CASD1: variants seen among roughly 807,000 people sequenced by gnomAD.
The protein encoded by CASD1 is CAS1 domain sialic acid O acetyltransferase 1.
CASD1 carries 41 observed loss-of-function variants against 100.0 expected under a neutral mutation model. The observed-to-expected ratio is 0.41, with a 90% CI of 0.32 to 0.53. CASD1 has a LOEUF of 0.53. CASD1 is among the 20% of genes least tolerant of loss of function. CASD1 has a pLI of 0.25. For missense variants in CASD1, 774 were observed against 948.7 expected, an observed-to-expected ratio of 0.82 and a Z score of 2.42; for synonymous variants, 321 against 315.6, an observed-to-expected ratio of 1.02 and a Z score of -0.18.
At chr7:94,598,615 T>A in the CASD1 span, 1 of 674,562 alleles carries the variant, frequency 1.5e-6, no homozygotes, top group Non-Finnish European at 2.7e-6. Flanking sequence ...TTGTATTGTA[T>A]ATTTCAGGAG....
intron 13 of CASD1, among the ~76,000 whole-genome samples, chr7:94,548,384 CAT>C (rs1053375691): frequency 6.6e-5 from 10 of 151,550 alleles, no homozygotes; most frequent in African/African-American, 2.4e-4. Flanking sequence ...TCCATAAAAT[CAT>C]ATATTTTATC....
In CASD1 at chr7:94,556,575, C is replaced by T. The variant is rs540601660; in HGVS notation, c.*817C>T. 3.9e-5 allele frequency: 6 copies of T among 152,056 alleles called. No individual in the cohort carries two copies. The highest frequency in any genetic ancestry group is 2.6e-4 in the Admixed American group (4 of 15,266). The allele number at this position is 152,056 out of a possible 1,614,324, so 9.4% of individuals were successfully genotyped here. On this transcript the variant is annotated 3_prime_UTR_variant, in exon 18 of 18. Transcript: ENST00000297273. Reference sequence around the variant, plus strand: ...TATGTTATCCCCACTAATTAATTTTCGTATATTATTTCCAATATTTGGAAA... The same window carrying T: ...TATGTTATCCCCACTAATTAATTTTTGTATATTATTTCCAATATTTGGAAA...
chr7:94,578,785 C>T, the CASD1 span, among the ~76,000 whole-genome samples: 8 of 152,136 alleles, frequency 5.3e-5, no homozygotes, highest in Non-Finnish European at 1.2e-4. Flanking sequence ...TGATACTGGG[C>T]AGAAACCACA....
chr7:94,617,751 G>A, the CASD1 span: 4 of 151,550 alleles, frequency 2.6e-5, no homozygotes, highest in Admixed American at 6.6e-5. Flanking sequence ...AAATTTTTAA[G>A]TTGGACTTTA....
intron 14 of CASD1, 118 bp downstream of exon 14, chr7:94,549,752 T>G: frequency 1.4e-6 from 1 of 736,064 alleles, no homozygotes; most frequent in South Asian, 2.1e-5. Flanking sequence ...ATTTAGTAAA[T>G]CAAAGCAGTC....
the CASD1 span, among the ~76,000 whole-genome samples, chr7:94,609,149 T>C: frequency 2.0e-5 from 3 of 152,208 alleles, no homozygotes; most frequent in South Asian, 2.1e-4. Flanking sequence ...AGGAAATATT[T>C]GCAAAATGCA....
intron 10 of CASD1, among the ~76,000 whole-genome samples, chr7:94,541,537 GTTTTTTTTTTT>G (rs56786123): frequency 3.7e-4 from 22 of 60,086 alleles, no homozygotes; most frequent in Non-Finnish European, 5.7e-4. Flanking sequence ...TGTTCCACTG[GTTTTTTTTTTT>G]TTTTTTTTTT....
chr7:94,584,425 G>A, the CASD1 span, among the ~76,000 whole-genome samples: 3 of 152,188 alleles, frequency 2.0e-5, no homozygotes, highest in Non-Finnish European at 4.4e-5. Flanking sequence ...AGAAATTAGA[G>A]ATACATCTTT....
chr7:94,629,836 T>C, the CASD1 span: 2 of 1,610,576 alleles, frequency 1.2e-6, no homozygotes, highest in African/African-American at 2.7e-5. Context: ...GAGAAAATAC[T>C]GTACACTGAA....
intron 1 of CASD1, among the ~76,000 whole-genome samples, chr7:94,516,080 A>G (rs1793965355): frequency 6.6e-6 from 1 of 151,988 alleles, no homozygotes; most frequent in Non-Finnish European, 1.5e-5. Flanking sequence ...TTAGTTTTTA[A>G]TAATTGGGGA....
the CASD1 span, among the ~76,000 whole-genome samples, chr7:94,592,379 C>T: frequency 1.3e-5 from 2 of 151,978 alleles, no homozygotes; most frequent in African/African-American, 4.8e-5. Flanking sequence ...TATACAGGAG[C>T]GGGGGGTCGA....
the CASD1 span, among the ~76,000 whole-genome samples, chr7:94,609,220 ACAAT>A: frequency 1.3e-5 from 2 of 152,216 alleles, no homozygotes; most frequent in Non-Finnish European, 2.9e-5. Flanking sequence ...AAAACAACAA[ACAAT>A]CCAATTAAAA....
intron 5 of CASD1, among the ~76,000 whole-genome samples, chr7:94,529,419 T>A (rs1000126882): frequency 6.6e-6 from 1 of 152,144 alleles, no homozygotes; most frequent in African/African-American, 2.4e-5. Context: ...GAGCCTTAGA[T>A]TCTATTGTAA....
chr7:94,599,428 TC>T, the CASD1 span: 1 of 439,574 alleles, frequency 2.3e-6, no homozygotes, highest in East Asian at 3.8e-5. Context: ...AGATTGGAAA[TC>T]ACATAATATA....
At chr7:94,578,749 G>T in the CASD1 span, among the ~76,000 whole-genome samples, 1 of 152,146 alleles carries the variant, frequency 6.6e-6, no homozygotes, top group Non-Finnish European at 1.5e-5. Flanking sequence ...GAGAAAAAAT[G>T]TAAAGTTGCT....
At chr7:94,559,290 GTGTGTGTGTGTGTGTA>G (rs1372140815), downstream of CASD1, among the ~76,000 whole-genome samples, 1 of 132,726 alleles carries the variant, frequency 7.5e-6, no homozygotes. Context: ...GTGTGTGTGT[GTGTGTGTGTGTGTGTA>G]TGTGTGTGTG....
At chr7:94,614,247 C>T in the CASD1 span, among the ~76,000 whole-genome samples, 57 of 152,010 alleles carry the variant, frequency 3.7e-4, no homozygotes, top group African/African-American at 1.3e-3. Flanking sequence ...GTTCATGTTC[C>T]TCTTGTTCAT....
chr7:94,558,803 A>G (rs1204120865), downstream of CASD1, among the ~76,000 whole-genome samples: 1 of 151,944 alleles, frequency 6.6e-6, no homozygotes, highest in Non-Finnish European at 1.5e-5. Flanking sequence ...TATTTAATTA[A>G]TTAATTAATT....
At chr7:94,572,646 A>G in the CASD1 span, among the ~76,000 whole-genome samples, 10 of 152,342 alleles carry the variant, frequency 6.6e-5, no homozygotes, top group Non-Finnish European at 1.2e-4. Context: ...TTAGATGCAT[A>G]GTTTGCAAGT....
Sources: gnomAD v4.1 joint callset for allele counts (sites outside exome capture counted in the v4.1 genomes callset) on GRCh38, gnomAD v4.1.1 for gene constraint, MANE v1.5 for transcripts, NCBI Gene and HGNC (gene_info 2026-07-23, HGNC 2026-07-21) for gene names.